The following LRRFIP2 variants were observed in gnomAD, a reference collection of about 807,000 sequenced individuals.
LRRFIP2 encodes the protein LRR binding FLII interacting protein 2, also known as leucine-rich repeat flightless-interacting protein 2.
Under a neutral mutation model 125.9 loss-of-function variants are expected in LRRFIP2, and 109 were observed. The ratio of observed to expected loss-of-function variants is 0.87; its 90% CI spans 0.74 to 1.01. LRRFIP2 has a LOEUF of 1.01. LRRFIP2 is among the 50% of genes least tolerant of loss of function. The pLI is 0.00. For missense variants in LRRFIP2, 850 were observed against 862.3 expected, an observed-to-expected ratio of 0.99 and a Z score of 0.18; for synonymous variants, 291 against 293.1, an observed-to-expected ratio of 0.99 and a Z score of 0.07.
rs893672030 is a variant in LRRFIP2, at chr3:37,072,771, G to C, written c.1464+19C>G. 13 of 1,512,990 alleles carry C rather than the reference G, an allele frequency of 8.6e-6. No homozygotes were observed. Among genetic ancestry groups the C allele is most frequent in the Non-Finnish European group, 1.2e-5 (13 of 1,089,190 alleles). The allele number at this position is 1,512,990 out of a possible 1,614,324, so 93.7% of individuals were successfully genotyped here. A position where few individuals can be genotyped will look rare whatever the true frequency, so the allele number is the denominator to read the frequency against. ...CCTCATCAATGAGCTTCTAACCAAA[G>C]CCCAATTTCATTTCATACCCCAATT... On this transcript the variant is annotated intron_variant, in intron 21 of 27. Coordinates refer to ENST00000336686, the MANE Select transcript of LRRFIP2 (RefSeq NM_006309.4).
intron 6 of LRRFIP2, among the ~76,000 whole-genome samples, chr3:37,115,828 G>A (rs1343163071): frequency 6.6e-6 from 1 of 151,932 alleles, no homozygotes; most frequent in Non-Finnish European, 1.5e-5. Context: ...TCAAATCCAG[G>A]GAAGAAAAAC....
Position 37,134,050 on chromosome 3 carries a change from C to T in LRRFIP2, c.91-4901G>A, listed in dbSNP as rs757170082. Among the ~76,000 whole-genome samples, 4 of 152,006 alleles carry T rather than the reference C, an allele frequency of 2.6e-5. No individual in the cohort carries two copies. In the South Asian group the frequency reaches 6.2e-4, roughly 24 times the overall value. On this transcript the variant is annotated intron_variant, in intron 2 of 27. Transcript: ENST00000336686. Reference sequence around the variant, plus strand: ...TACAAAAATTAGCCAGGCATGGTAGCGCTTGCCTGTAGTCCCAGCTACTTG... The same window carrying T: ...TACAAAAATTAGCCAGGCATGGTAGTGCTTGCCTGTAGTCCCAGCTACTTG...
chr3:37,077,346 G>A (rs2092191097), intron 19 of LRRFIP2, among the ~76,000 whole-genome samples: 1 of 152,032 alleles, frequency 6.6e-6, no homozygotes, highest in South Asian at 2.1e-4. Flanking sequence ...ATTATGCAGT[G>A]GTGAAAAAGA....
intron 2 of LRRFIP2, among the ~76,000 whole-genome samples, chr3:37,147,768 T>C (rs928805019): frequency 2.6e-5 from 4 of 152,252 alleles, no homozygotes; most frequent in African/African-American, 9.6e-5. Flanking sequence ...TATTAGTTTG[T>C]GGTCAGTCTG....
intron 19 of LRRFIP2, among the ~76,000 whole-genome samples, chr3:37,080,469 T>C (rs1296052973): frequency 1.3e-5 from 2 of 151,640 alleles, no homozygotes; most frequent in Admixed American, 6.6e-5. Context: ...AATGATAAAA[T>C]CAGAACATCC....
At chr3:37,072,641 TG>T (rs1266226826) in intron 21 of LRRFIP2, 148 bp downstream of exon 21, 5 of 447,588 alleles carry the variant, frequency 1.1e-5, no homozygotes, top group East Asian at 1.0e-4. Context: ...GGTTTTCCTA[TG>T]GAAGTCTCTG....
chr3:37,058,697 G>C (rs1416571800), intron 25 of LRRFIP2, 93 bp downstream of exon 25: 1 of 1,195,126 alleles, frequency 8.4e-7, no homozygotes, highest in East Asian at 2.5e-5. Flanking sequence ...AAAAAGAAAA[G>C]TGTATTACAA....
At chr3:37,154,151 G>A (rs2096115200) in intron 1 of LRRFIP2, among the ~76,000 whole-genome samples, 1 of 152,086 alleles carries the variant, frequency 6.6e-6, no homozygotes, top group African/African-American at 2.4e-5. Context: ...ACTCCAGCCT[G>A]GGTGACAGAG....
At chr3:37,134,866 C>A in intron 2 of LRRFIP2, 3 of 1,220,436 alleles carry the variant, frequency 2.5e-6, no homozygotes, top group Non-Finnish European at 2.4e-6. Flanking sequence ...GTTGCATGTA[C>A]AACAAGGATT....
In LRRFIP2 at chr3:37,159,989, CAAAAAAAAAAAAAAAA is replaced by C. The variant is rs58005486; in HGVS notation, c.-55-10967_-55-10952del. ...GAGCCCAATGAGTAAGCCCTATGCG[CAAAAAAAAAAAAAAAA>C]AAAAAAAAAAAAAAATTCACTTAAA... On this transcript the variant is annotated intron_variant, in intron 1 of 27. Transcript: ENST00000336686. 4.3e-3 allele frequency among the ~76,000 whole-genome samples: 200 copies of C among 46,954 alleles called. 3 individuals carry two copies. The highest frequency in any genetic ancestry group is 5.8e-3 in the Non-Finnish European group (156 of 26,774). The allele number at this position is 46,954 out of a possible 152,430, so 30.8% of individuals were successfully genotyped here. A position where few individuals can be genotyped will look rare whatever the true frequency, so the allele number is the denominator to read the frequency against.
chr3:37,078,968 G>C (rs369667611), intron 19 of LRRFIP2, among the ~76,000 whole-genome samples: 156 of 152,210 alleles, frequency 1.0e-3, no homozygotes, highest in African/African-American at 3.5e-3. Flanking sequence ...ACTTCATATT[G>C]ATATTTTAAG....
chr3:37,083,629 G>A lies in LRRFIP2; in HGVS notation c.1278+7C>T, dbSNP rs377491430. On this transcript the variant is annotated splice_region_variant and intron_variant, in intron 19 of 27. Coordinates refer to ENST00000336686, the MANE Select transcript of LRRFIP2 (RefSeq NM_006309.4). ...TGCCCCAAGAGAAAATACAAGATAA[G>A]CATTACCTTTGATTTTTCTTCATTT... 19 of 1,553,058 alleles carry A rather than the reference G, an allele frequency of 1.2e-5. No individual in the cohort carries two copies. The highest frequency in any genetic ancestry group is 1.6e-5 in the Non-Finnish European group (18 of 1,157,144).
chr3:37,164,744 A>G (rs1413826543), intron 1 of LRRFIP2, among the ~76,000 whole-genome samples: 1 of 152,044 alleles, frequency 6.6e-6, no homozygotes, highest in Non-Finnish European at 1.5e-5. Context: ...AAAGTTCCTA[A>G]AACATGCTAT....
At position 37,090,727 on chromosome 3, in the gene LRRFIP2, T is replaced by C. The variant is rs535478129; in HGVS notation, c.1107+740A>G. 1.2e-4 allele frequency among the ~76,000 whole-genome samples: 19 copies of C among 152,294 alleles called. No homozygotes were observed. In the East Asian group the frequency reaches 3.7e-3, roughly 29 times the overall value. ...GTCAGTGATCCTTTCTGGGAAAAGATAAAGACCATTTACATTTACCTCCAA... is the reference window on the plus strand; with the variant it reads ...GTCAGTGATCCTTTCTGGGAAAAGACAAAGACCATTTACATTTACCTCCAA... On this transcript the variant is annotated intron_variant, in intron 18 of 27. Coordinates refer to ENST00000336686, the MANE Select transcript of LRRFIP2 (RefSeq NM_006309.4).
chr3:37,150,579 A>T (rs1459418087), intron 1 of LRRFIP2, among the ~76,000 whole-genome samples: 1 of 152,192 alleles, frequency 6.6e-6, no homozygotes, highest in Non-Finnish European at 1.5e-5. Context: ...GATGAAAAAG[A>T]CCATCTAACC....
chr3:37,078,630 C>G (rs890708120), intron 19 of LRRFIP2, among the ~76,000 whole-genome samples: 3 of 152,092 alleles, frequency 2.0e-5, no homozygotes, highest in African/African-American at 7.2e-5. Flanking sequence ...AAAAACTTCA[C>G]ACACATATTT....
In LRRFIP2 at chr3:37,053,886, T is replaced by TC; in HGVS notation, c.2130dup (p.Lys711GlufsTer4). Reference sequence around the variant, plus strand: ...GCCAGAAGTGCTGTCCTATTGGCCTTCATCTTCTCCAGCCGCTTGGCCAGG... The same window carrying TC: ...GCCAGAAGTGCTGTCCTATTGGCCTTCCATCTTCTCCAGCCGCTTGGCCAGG... On this transcript the variant is annotated frameshift_variant, in exon 28 of 28. Transcript: ENST00000336686. LOFTEE classifies it high-confidence loss of function. The TC allele has an allele frequency of 1.2e-6, 2 of 1,614,116 alleles. No homozygotes were observed.
intron 1 of LRRFIP2, among the ~76,000 whole-genome samples, chr3:37,161,758 G>A (rs1189840479): frequency 1.3e-5 from 2 of 149,404 alleles, no homozygotes; most frequent in African/African-American, 2.5e-5. Context: ...AACTCAGGTT[G>A]GGAAATAAAG....
chr3:37,102,302 G>A (rs1275683699), intron 15 of LRRFIP2, among the ~76,000 whole-genome samples: 2 of 151,588 alleles, frequency 1.3e-5, no homozygotes, highest in Admixed American at 6.6e-5. Flanking sequence ...ATAACTCAGG[G>A]AAAAAAAGGA....
Sources: gnomAD v4.1 joint callset for allele counts (sites outside exome capture counted in the v4.1 genomes callset) on GRCh38, gnomAD v4.1.1 for gene constraint, MANE v1.5 for transcripts, NCBI Gene and HGNC (gene_info 2026-07-23, HGNC 2026-07-21) for gene names.